TBL1XR1: variants seen among roughly 807,000 people sequenced by gnomAD.
TBL1XR1 encodes TBL1X/Y related 1, also known as F-box-like/WD repeat-containing protein TBL1XR1.
In TBL1XR1, 5 loss-of-function variants were observed where a neutral mutation model predicts 66.9. That is an observed-to-expected ratio of 0.07 (90% confidence interval 0.04 to 0.16). The LOEUF is 0.16. TBL1XR1 is among the 10% of genes least tolerant of loss of function. The probability of loss-of-function intolerance (pLI) is 1.00; values close to 1 mark genes in which losing one functional copy is unlikely to be tolerated. For missense variants in TBL1XR1, 238 were observed against 623.2 expected (o/e 0.38, Z 6.58); for synonymous variants, 210 against 206.0 (o/e 1.02, Z -0.17).
At chr3:177,071,790 G>C (rs1720050415) in intron 2 of TBL1XR1, among the ~76,000 whole-genome samples, 1 of 152,190 alleles carries the variant, frequency 6.6e-6, no homozygotes, top group Non-Finnish European at 1.5e-5. Context: ...ATGGAGTAAA[G>C]ATAACTGACA....
chr3:177,186,982 G>T (rs1383578901), intron 1 of TBL1XR1, among the ~76,000 whole-genome samples: 1 of 151,916 alleles, frequency 6.6e-6, no homozygotes, highest in African/African-American at 2.4e-5. Flanking sequence ...CCGGCTAACA[G>T]GATGAAACCC....
At chr3:177,055,351 C>T (rs1255523224) in intron 3 of TBL1XR1, among the ~76,000 whole-genome samples, 3 of 152,044 alleles carry the variant, frequency 2.0e-5, no homozygotes, top group South Asian at 4.2e-4. Flanking sequence ...GTAACCCCTT[C>T]CTTCTCTCTT....
At chr3:177,071,031 G>GTTTTTCTTTTTTT (rs1719916058) in intron 2 of TBL1XR1, among the ~76,000 whole-genome samples, 1 of 104,716 alleles carries the variant, frequency 9.5e-6, no homozygotes, top group Non-Finnish European at 1.8e-5. Context: ...CTGAGAATCT[G>GTTTTTCTTTTTTT]TTTTTTTTTT....
chr3:177,113,307 T>C (rs1316369439), intron 1 of TBL1XR1, among the ~76,000 whole-genome samples: 2 of 152,110 alleles, frequency 1.3e-5, no homozygotes, highest in East Asian at 3.9e-4. Context: ...GACAGCAATC[T>C]GGGCAAGGAT....
upstream of TBL1XR1, among the ~76,000 whole-genome samples, chr3:177,198,520 T>G (rs893509604): frequency 1.3e-5 from 2 of 152,124 alleles, no homozygotes; most frequent in African/African-American, 4.8e-5. Context: ...TGTGGCAGTA[T>G]GGTTGAGGGA....
intron 4 of TBL1XR1, among the ~76,000 whole-genome samples, chr3:177,052,920 TG>T (rs1292069685): frequency 6.6e-6 from 1 of 151,902 alleles, no homozygotes; most frequent in Non-Finnish European, 1.5e-5. Flanking sequence ...CTGGCCAACA[TG>T]GGGAAACCCT....
intron 1 of TBL1XR1, among the ~76,000 whole-genome samples, chr3:177,193,815 C>T (rs543395990): frequency 1.3e-5 from 2 of 152,326 alleles, no homozygotes; most frequent in South Asian, 2.1e-4. Flanking sequence ...CAGATTCAGT[C>T]ATCTAAGACA....
chr3:177,140,425 C>G (rs547520690), intron 1 of TBL1XR1, among the ~76,000 whole-genome samples: 3 of 152,298 alleles, frequency 2.0e-5, no homozygotes, highest in Admixed American at 6.5e-5. Flanking sequence ...ATCCACCACA[C>G]AAAGATTACC....
intron 10 of TBL1XR1, among the ~76,000 whole-genome samples, chr3:177,040,800 G>A (rs192176199): frequency 1.9e-4 from 29 of 152,022 alleles, no homozygotes; most frequent in African/African-American, 6.0e-4. Context: ...ATTAGTTTTG[G>A]GTATATTTCT....
chr3:177,047,706 G>T (rs1214072220), intron 7 of TBL1XR1, 157 bp from the exon 8 acceptor site: 2 of 724,686 alleles, frequency 2.8e-6, no homozygotes, highest in Non-Finnish European at 4.6e-6. Flanking sequence ...GCCACTAAAG[G>T]CCTATGAAAC....
At chr3:177,054,037 A>G (rs1308386718) in intron 3 of TBL1XR1, 119 bp from the exon 4 acceptor site, 4 of 1,092,870 alleles carry the variant, frequency 3.7e-6, no homozygotes, top group Non-Finnish European at 5.1e-6. Context: ...AAAATCCCAG[A>G]CGAAGGTCGT....
chr3:177,119,607 T>C (rs1233895588), intron 1 of TBL1XR1, among the ~76,000 whole-genome samples: 3 of 152,328 alleles, frequency 2.0e-5, no homozygotes, highest in Admixed American at 1.3e-4. Context: ...ACAGTGACCA[T>C]TCACTACATT....
chr3:177,179,502 G>A (rs1019089282), intron 1 of TBL1XR1, among the ~76,000 whole-genome samples: 1 of 152,198 alleles, frequency 6.6e-6, no homozygotes, highest in African/African-American at 2.4e-5. Flanking sequence ...TAAGAGATAA[G>A]TCATGGCATT....
intron 2 of TBL1XR1, among the ~76,000 whole-genome samples, chr3:177,087,840 T>C (rs1428859861): frequency 6.6e-6 from 1 of 152,166 alleles, no homozygotes; most frequent in Non-Finnish European, 1.5e-5. Flanking sequence ...TATGGCTATA[T>C]GGGACCATGC....
At chr3:177,069,259 G>A (rs895784519) in intron 2 of TBL1XR1, among the ~76,000 whole-genome samples, 1 of 152,048 alleles carries the variant, frequency 6.6e-6, no homozygotes, top group African/African-American at 2.4e-5. Flanking sequence ...CATTTTTATA[G>A]GCCTAAAAAA....
At chr3:177,146,548 C>T (rs1451011992) in intron 1 of TBL1XR1, among the ~76,000 whole-genome samples, 1 of 132,704 alleles carries the variant, frequency 7.5e-6, no homozygotes, top group Non-Finnish European at 1.6e-5. Flanking sequence ...CAAGATCACG[C>T]CACTGCACTC....
At chr3:177,197,088 C>T (rs944744498) in intron 1 of TBL1XR1, 33 bp downstream of exon 1, 2 of 152,068 alleles carry the variant, frequency 1.3e-5, no homozygotes, top group African/African-American at 4.8e-5. Flanking sequence ...CCCCCGGCCG[C>T]CCCCACTCCA....
At chr3:177,124,084 C>A (rs1264098414) in intron 1 of TBL1XR1, among the ~76,000 whole-genome samples, 1 of 151,886 alleles carries the variant, frequency 6.6e-6, no homozygotes. Context: ...ACTAAAGAAG[C>A]CAGAAAGAAC....
intron 1 of TBL1XR1, among the ~76,000 whole-genome samples, chr3:177,130,144 CA>C (rs779815590): frequency 5.8e-4 from 52 of 89,134 alleles, no homozygotes; most frequent in Middle Eastern, 7.2e-3. Context: ...GACTCCATCT[CA>C]AAAAAAAAAA....
Sources: gnomAD v4.1 joint callset for allele counts (sites outside exome capture counted in the v4.1 genomes callset) on GRCh38, gnomAD v4.1.1 for gene constraint, MANE v1.5 for transcripts, NCBI Gene and HGNC (gene_info 2026-07-23, HGNC 2026-07-21) for gene names.